Variants in WWOX observed in about 807,000 individuals in gnomAD.
The protein encoded by WWOX is WW domain containing oxidoreductase, also known as WW domain-containing oxidoreductase.
WWOX carries 69 observed loss-of-function variants against 46.2 expected under a neutral mutation model. That is an observed-to-expected ratio of 1.49 (90% CI 1.23 to 1.82). The LOEUF (loss-of-function observed/expected upper bound fraction) is 1.82. WWOX is among the 40% of genes most tolerant of loss of function. The pLI is 0.00. For synonymous variants in WWOX, 359 were observed against 202.6 expected (o/e 1.77, Z -6.56); for missense variants, 919 against 542.6 (o/e 1.69, Z -6.89).
At chr16:78,725,401 G>A (rs935030882) in intron 8 of WWOX, among the ~76,000 whole-genome samples, 1 of 123,282 alleles carries the variant, frequency 8.1e-6, no homozygotes, top group African/African-American at 3.2e-5. Flanking sequence ...AGGCTGGAGT[G>A]CAGTGGTGCA....
chr16:78,603,497 C>G (rs2045672561), intron 8 of WWOX, among the ~76,000 whole-genome samples: 1 of 152,146 alleles, frequency 6.6e-6, no homozygotes, highest in South Asian at 2.1e-4. Flanking sequence ...GAGTTCGAGA[C>G]CAGCCTGGCC....
rs186271392 is a variant in WWOX, at chr16:78,116,489, T to A, written c.409+1335T>A. The stretch of plus-strand genomic sequence containing the variant: ...AAAGAAGCAAATGGAAATTTTTTTT[T>A]AAGAATTGAAAGGATTTTATTTCAA... On this transcript the variant is annotated intron_variant, in intron 4 of 8. Coordinates refer to ENST00000566780, the MANE Select transcript of WWOX (RefSeq NM_016373.4). Among the ~76,000 whole-genome samples the A allele has an allele frequency of 1.8e-3, 269 of 152,320 alleles. 3 individuals carry two copies. The highest frequency in any genetic ancestry group is 1.6e-3 in the Non-Finnish European group (110 of 68,022).
At chr16:78,811,034 G>C (rs149431890) in intron 8 of WWOX, among the ~76,000 whole-genome samples, 244 of 152,306 alleles carry the variant, frequency 1.6e-3, no homozygotes, top group African/African-American at 5.7e-3. Flanking sequence ...CTGTATTTCA[G>C]AGGTTTATAA....
intron 8 of WWOX, among the ~76,000 whole-genome samples, chr16:78,915,940 C>G (rs927711758): frequency 6.6e-6 from 1 of 152,210 alleles, no homozygotes; most frequent in Non-Finnish European, 1.5e-5. Flanking sequence ...ACCCCAAGCT[C>G]AATCAATGCC....
intron 8 of WWOX, among the ~76,000 whole-genome samples, chr16:78,827,700 G>C (rs889642095): frequency 8.6e-5 from 13 of 151,964 alleles, no homozygotes; most frequent in African/African-American, 2.2e-4. Context: ...AATTAGCCAG[G>C]CATGGTGGTG....
intron 8 of WWOX, among the ~76,000 whole-genome samples, chr16:78,633,763 G>A (rs1342281211): frequency 6.6e-6 from 1 of 152,222 alleles, no homozygotes; most frequent in Non-Finnish European, 1.5e-5. Context: ...GATTCATCAA[G>A]AGGACTCCAG....
chr16:78,977,783 A>G (rs2151330075), intron 8 of WWOX, among the ~76,000 whole-genome samples: 1 of 152,042 alleles, frequency 6.6e-6, no homozygotes, highest in Non-Finnish European at 1.5e-5. Flanking sequence ...CCAAACATGC[A>G]CTCCCATCCC....
intron 8 of WWOX, among the ~76,000 whole-genome samples, chr16:78,797,780 G>C (rs2050782449): frequency 1.3e-5 from 2 of 152,178 alleles, no homozygotes; most frequent in African/African-American, 4.8e-5. Context: ...TTGAGGCTAG[G>C]AGCTCGAGAA....
chr16:78,112,693 A>C (rs2032563546), intron 3 of WWOX, among the ~76,000 whole-genome samples: 1 of 146,974 alleles, frequency 6.8e-6, no homozygotes, highest in Admixed American at 6.8e-5. Context: ...TTTTTTTCCA[A>C]GTTTTCTTTC....
intron 8 of WWOX, among the ~76,000 whole-genome samples, chr16:78,687,663 A>G (rs538770833): frequency 1.1e-4 from 16 of 152,344 alleles, no homozygotes; most frequent in East Asian, 9.6e-4. Flanking sequence ...CACAGCCTCT[A>G]TTACACAGTA....
chr16:78,800,129 A>G (rs2050848741), intron 8 of WWOX, among the ~76,000 whole-genome samples: 1 of 152,206 alleles, frequency 6.6e-6, no homozygotes, highest in African/African-American at 2.4e-5. Context: ...TCTTTGCACT[A>G]AAAACAGGGT....
chr16:79,027,395 G>A (rs533178054), intron 8 of WWOX, among the ~76,000 whole-genome samples: 28 of 151,658 alleles, frequency 1.8e-4, no homozygotes, highest in South Asian at 4.2e-4. Context: ...ATTACTTCAA[G>A]GAGCAAGGCC....
At chr16:78,635,306 G>A (rs755809455) in intron 8 of WWOX, among the ~76,000 whole-genome samples, 5 of 151,998 alleles carry the variant, frequency 3.3e-5, no homozygotes, top group Non-Finnish European at 1.5e-5. Context: ...TTAATCCATC[G>A]CCCAAAAAGC....
At chr16:78,915,519 C>T (rs971101838) in intron 8 of WWOX, among the ~76,000 whole-genome samples, 8 of 152,084 alleles carry the variant, frequency 5.3e-5, no homozygotes, top group Non-Finnish European at 1.0e-4. Context: ...GCATGCAGAT[C>T]AATGAGCCAA....
At chr16:78,227,731 G>A (rs2037112600) in intron 5 of WWOX, among the ~76,000 whole-genome samples, 1 of 152,214 alleles carries the variant, frequency 6.6e-6, no homozygotes, top group East Asian at 1.9e-4. Context: ...ACAAAAATTA[G>A]CCAGGTGCGG....
chr16:78,138,199 C>T (rs560727089), intron 4 of WWOX, among the ~76,000 whole-genome samples: 1 of 150,930 alleles, frequency 6.6e-6, no homozygotes, highest in South Asian at 2.1e-4. Context: ...CCTGCAAGAG[C>T]CAGCCCAGTT....
chr16:78,984,818 T>C (rs2046752657), intron 8 of WWOX, among the ~76,000 whole-genome samples: 1 of 152,244 alleles, frequency 6.6e-6, no homozygotes, highest in Middle Eastern at 3.4e-3. Context: ...GTAAGGAACG[T>C]GTGCAGGGGA....
rs1299515479 is a variant in WWOX at position 78,324,669 on chromosome 16, G to C, written c.517-62191G>C. ...GTGAACCTGGTAAACATGAGGCTAAGTGAAAGAAGTTAGTTACAAAAGTCC... is the reference window on the plus strand; with the variant it reads ...GTGAACCTGGTAAACATGAGGCTAACTGAAAGAAGTTAGTTACAAAAGTCC... On this transcript the variant is annotated intron_variant, in intron 5 of 8. Transcript: ENST00000566780. 3.3e-5 allele frequency among the ~76,000 whole-genome samples: 5 copies of C among 152,092 alleles called. No individual in the cohort carries two copies. In the East Asian group the frequency reaches 7.8e-4, roughly 24 times the overall value.
chr16:78,977,596 T>C (rs2046598208), intron 8 of WWOX, among the ~76,000 whole-genome samples: 2 of 152,066 alleles, frequency 1.3e-5, no homozygotes, highest in Admixed American at 1.3e-4. Context: ...TTTTTGTTGT[T>C]ACAAAAATGA....
Sources: gnomAD v4.1 joint callset for allele counts (sites outside exome capture counted in the v4.1 genomes callset) on GRCh38, gnomAD v4.1.1 for gene constraint, MANE v1.5 for transcripts, NCBI Gene and HGNC (gene_info 2026-07-23, HGNC 2026-07-21) for gene names.